Variants in ANKHD1 observed in about 807,000 individuals in gnomAD.
ANKHD1 encodes the protein ankyrin repeat and KH domain-containing protein 1.
Under a neutral mutation model 230.5 loss-of-function variants are expected in ANKHD1, and 31 were observed. The observed-to-expected ratio is 0.13, with a 90% CI of 0.10 to 0.18. ANKHD1 has a LOEUF of 0.18. Ranked by LOEUF, ANKHD1 falls within the 10% of genes least tolerant of loss-of-function variation. The pLI is 1.00. For missense variants in ANKHD1, 2,256 were observed against 3,071.3 expected (o/e 0.73, Z 6.27); for synonymous variants, 1,074 against 1,117.6 (o/e 0.96, Z 0.78).
chr5:140,453,598 A>G (rs1164446965), intron 7 of ANKHD1, among the ~76,000 whole-genome samples: 1 of 152,228 alleles, frequency 6.6e-6, no homozygotes, highest in Admixed American at 6.5e-5. Context: ...CCAGAATTTC[A>G]TATCCAGCCA....
intron 24 of ANKHD1, among the ~76,000 whole-genome samples, chr5:140,519,446 C>T (rs575275272): frequency 8.5e-5 from 13 of 152,132 alleles, no homozygotes; most frequent in Non-Finnish European, 1.5e-4. Context: ...TCATATGGCA[C>T]CAAAAAAGAG....
At chr5:140,404,589 C>A (rs971541206) in intron 1 of ANKHD1, among the ~76,000 whole-genome samples, 3 of 151,782 alleles carry the variant, frequency 2.0e-5, no homozygotes, top group Non-Finnish European at 4.4e-5. Context: ...CCTGCTACCA[C>A]GACTGGCTAA....
intron 5 of ANKHD1, among the ~76,000 whole-genome samples, chr5:140,445,405 G>C (rs940977714): frequency 6.6e-6 from 1 of 152,190 alleles, no homozygotes; most frequent in Non-Finnish European, 1.5e-5. Context: ...TCAGGAGGCC[G>C]AGGCAGGAGG....
At chr5:140,518,689 C>T (rs1753166716) in intron 24 of ANKHD1, among the ~76,000 whole-genome samples, 1 of 152,184 alleles carries the variant, frequency 6.6e-6, no homozygotes, top group African/African-American at 2.4e-5. Context: ...GACAAAACCA[C>T]ATGATTATCT....
At chr5:140,428,237 G>A (rs372944421) in intron 1 of ANKHD1, among the ~76,000 whole-genome samples, 1 of 152,136 alleles carries the variant, frequency 6.6e-6, no homozygotes, top group South Asian at 2.1e-4. Context: ...ACGGGGTGGC[G>A]GCCGGGCAGA....
Position 140,529,299 on chromosome 5 carries a change from A to G in ANKHD1, c.6353A>G (p.Gln2118Arg). The G allele has an allele frequency of 5.6e-6, 9 of 1,614,228 alleles. No individual in the cohort carries two copies. Among genetic ancestry groups the G allele is most frequent in the African/African-American group, 1.3e-5 (1 of 75,064 alleles). The change falls in exon 29 of 34, where the codon CAG becomes CGG. Residue 2118 changes from glutamine to arginine, a missense_variant. Physicochemically the swap from Gln to Arg is conservative, Grantham distance 43 (BLOSUM62 1). Around this residue, in one of 13 missense-constraint regions of ANKHD1, gnomAD observed 778 missense variants for 966.5 expected, o/e 0.80. Transcript: ENST00000360839. ...TSPRMVAADN[Q>R]DTSNLPQLAV... ...CCCAGAATGGTTGCTGCTGATAATCAGGACACCAGTAATTTACCTCAGTTA... is the reference window on the plus strand; with the variant it reads ...CCCAGAATGGTTGCTGCTGATAATCGGGACACCAGTAATTTACCTCAGTTA...
chr5:140,523,565 C>CT (rs58102859), intron 24 of ANKHD1, among the ~76,000 whole-genome samples: 7,215 of 138,178 alleles, frequency 0.052, 273 homozygotes, highest in African/African-American at 0.1. Context: ...TGACTGTTTA[C>CT]TTTTTTTTTT....
At chr5:140,431,100 T>G (rs529988674) in intron 1 of ANKHD1, among the ~76,000 whole-genome samples, 17 of 152,362 alleles carry the variant, frequency 1.1e-4, no homozygotes, top group African/African-American at 4.1e-4. Flanking sequence ...TAATGGGATA[T>G]TTTGTCCTTT....
intron 32 of ANKHD1, 108 bp from the exon 33 acceptor site, chr5:140,538,811 T>C: frequency 2.4e-6 from 3 of 1,231,812 alleles, no homozygotes; most frequent in Non-Finnish European, 3.1e-6. Context: ...CTTTTGGAGT[T>C]CTTTAAATGA....
Position 140,408,493 on chromosome 5 carries a change from C to T in ANKHD1, c.306+6220C>T, listed in dbSNP as rs919373256. Among the ~76,000 whole-genome samples the T allele has an allele frequency of 5.9e-5, 9 of 152,142 alleles. No individual in the cohort carries two copies. In the South Asian group the frequency reaches 6.2e-4, roughly 11 times the overall value. On this transcript the variant is annotated intron_variant, in intron 1 of 33. Coordinates refer to ENST00000360839, the MANE Select transcript of ANKHD1 (RefSeq NM_017747.3). ...CTGTATTTACAATTATATAAAAGCA[C>T]GCAGAAATTGTATTTAGCTCTGAAA...
intron 1 of ANKHD1, among the ~76,000 whole-genome samples, chr5:140,432,207 A>C (rs898240004): frequency 3.3e-5 from 5 of 152,200 alleles, no homozygotes; most frequent in Admixed American, 3.3e-4. Flanking sequence ...CATTTTCATC[A>C]ATCCAAAAAG....
chr5:140,523,096 T>C (rs976416221), intron 24 of ANKHD1, among the ~76,000 whole-genome samples: 1 of 151,028 alleles, frequency 6.6e-6, no homozygotes, highest in East Asian at 1.9e-4. Context: ...TTAATTAATT[T>C]TTTTCTTTTT....
chr5:140,455,218 A>G (rs1160122351), intron 7 of ANKHD1, among the ~76,000 whole-genome samples: 2 of 152,204 alleles, frequency 1.3e-5, no homozygotes, highest in African/African-American at 4.8e-5. Flanking sequence ...TGAGGCAATA[A>G]TTAATAGCCT....
chr5:140,472,441 A>G (rs1776560048), intron 10 of ANKHD1: 1 of 1,366,936 alleles, frequency 7.3e-7, no homozygotes, highest in Non-Finnish European at 9.5e-7. Flanking sequence ...GAAAAAGATT[A>G]TGAAGTCCCA....
At chr5:140,484,888 A>G in intron 11 of ANKHD1, 1 of 490,750 alleles carries the variant, frequency 2.0e-6, no homozygotes, top group Non-Finnish European at 3.0e-6. Context: ...TAGTGACTGA[A>G]AGGGAGCACA....
chr5:140,489,841 G>T (rs1409191048), intron 14 of ANKHD1, among the ~76,000 whole-genome samples: 1 of 152,064 alleles, frequency 6.6e-6, no homozygotes, highest in Admixed American at 6.6e-5. Context: ...CAACCAAATG[G>T]CATTGGCAAT....
intron 7 of ANKHD1, among the ~76,000 whole-genome samples, chr5:140,454,793 A>G (rs937869666): frequency 3.9e-5 from 6 of 152,218 alleles, no homozygotes; most frequent in Non-Finnish European, 8.8e-5. Context: ...TAACATCACA[A>G]TTAAAAGAAC....
intron 10 of ANKHD1, among the ~76,000 whole-genome samples, chr5:140,479,558 T>G (rs1751152938): frequency 6.6e-6 from 1 of 151,910 alleles, no homozygotes; most frequent in Non-Finnish European, 1.5e-5. Context: ...ATTCCCATGA[T>G]ATGCACACAT....
At chr5:140,439,979 A>G (rs1415115555) in intron 3 of ANKHD1, 140 bp from the exon 4 acceptor site, 17 of 1,082,086 alleles carry the variant, frequency 1.6e-5, no homozygotes, top group Non-Finnish European at 1.8e-5. Context: ...CAAAATGCTC[A>G]GCAAGTAATA....
Sources: gnomAD v4.1 joint callset for allele counts (sites outside exome capture counted in the v4.1 genomes callset) on GRCh38, gnomAD v4.1.1 for gene constraint, gnomAD v4.1.1 regional missense constraint, MANE v1.5 for transcripts, NCBI Gene and HGNC (gene_info 2026-07-23, HGNC 2026-07-21) for gene names.